Variants in CLSTN2 observed in about 807,000 individuals in gnomAD.
The protein encoded by CLSTN2 is calsyntenin 2.
CLSTN2 carries 48 observed loss-of-function variants against 101.2 expected under a neutral mutation model. The ratio of observed to expected loss-of-function variants is 0.47; its 90% CI spans 0.38 to 0.60. The LOEUF (loss-of-function observed/expected upper bound fraction) is 0.60, where lower values mean the gene tolerates loss of function less well. CLSTN2 is among the 20% of genes least tolerant of loss of function. The pLI, the probability that CLSTN2 is intolerant of heterozygous loss-of-function variation, is 0.00. For missense variants in CLSTN2, 1,160 were observed against 1,238.2 expected (o/e 0.94, Z 0.95); for synonymous variants, 481 against 463.6 (o/e 1.04, Z -0.48).
At chr3:140,480,101 C>G (rs993169043) in intron 8 of CLSTN2, among the ~76,000 whole-genome samples, 5 of 151,594 alleles carry the variant, frequency 3.3e-5, no homozygotes, top group Non-Finnish European at 2.9e-5. Flanking sequence ...ATCCCTCCCC[C>G]AACCCCACAA....
chr3:140,428,361 T>A (rs567698969), intron 5 of CLSTN2, among the ~76,000 whole-genome samples: 2 of 152,346 alleles, frequency 1.3e-5, no homozygotes, highest in African/African-American at 4.8e-5. Flanking sequence ...TTGTATTCAT[T>A]ATTTGTTCTG....
intron 1 of CLSTN2, among the ~76,000 whole-genome samples, chr3:139,964,901 A>G (rs1935567068): frequency 6.6e-6 from 1 of 152,128 alleles, no homozygotes; most frequent in African/African-American, 2.4e-5. Flanking sequence ...CTTCTCTTCA[A>G]TTGGGGAATG....
chr3:140,126,597 G>C (rs1422247959), intron 1 of CLSTN2, among the ~76,000 whole-genome samples: 1 of 152,154 alleles, frequency 6.6e-6, no homozygotes, highest in African/African-American at 2.4e-5. Context: ...TATGGGTTTG[G>C]AGATCAGGGA....
At chr3:140,183,186 G>C (rs558706273) in intron 2 of CLSTN2, among the ~76,000 whole-genome samples, 1 of 152,182 alleles carries the variant, frequency 6.6e-6, no homozygotes. Flanking sequence ...ACTATTGATA[G>C]ATCCTGCTTT....
chr3:140,189,448 G>T (rs1047888457), intron 2 of CLSTN2, among the ~76,000 whole-genome samples: 2 of 152,080 alleles, frequency 1.3e-5, no homozygotes, highest in African/African-American at 4.8e-5. Context: ...TCATTTAGGT[G>T]TGTATGTATT....
At chr3:140,368,982 C>A (rs1483301188) in intron 2 of CLSTN2, among the ~76,000 whole-genome samples, 2 of 152,190 alleles carry the variant, frequency 1.3e-5, no homozygotes, top group Non-Finnish European at 2.9e-5. Flanking sequence ...CCTGCACTCT[C>A]CTGGTTAGCT....
intron 1 of CLSTN2, among the ~76,000 whole-genome samples, chr3:140,072,205 AC>A (rs1327814382): frequency 6.6e-6 from 1 of 151,776 alleles, no homozygotes; most frequent in East Asian, 1.9e-4. Flanking sequence ...CTTAAAAAAA[AC>A]AGAAAACAAC....
intron 8 of CLSTN2, among the ~76,000 whole-genome samples, chr3:140,498,300 G>A (rs1462331227): frequency 6.6e-6 from 1 of 152,190 alleles, no homozygotes; most frequent in Non-Finnish European, 1.5e-5. Flanking sequence ...TACCTGAGTG[G>A]CAGGGGCATG....
chr3:140,366,102 C>T (rs993905419), intron 2 of CLSTN2, among the ~76,000 whole-genome samples: 4 of 152,194 alleles, frequency 2.6e-5, no homozygotes, highest in African/African-American at 7.2e-5. Flanking sequence ...GACAGTCAGC[C>T]GTGTTCATCT....
At chr3:140,179,181 T>C (rs535118296) in intron 2 of CLSTN2, among the ~76,000 whole-genome samples, 47 of 152,298 alleles carry the variant, frequency 3.1e-4, no homozygotes, top group Non-Finnish European at 4.3e-4. Context: ...ACAAGTGAGA[T>C]ATACAAGTAT....
At chr3:140,477,519 C>A (rs1934014024) in intron 8 of CLSTN2, among the ~76,000 whole-genome samples, 1 of 152,172 alleles carries the variant, frequency 6.6e-6, no homozygotes, top group African/African-American at 2.4e-5. Context: ...TTTTGAGAGG[C>A]TATAGTGTTC....
intron 8 of CLSTN2, among the ~76,000 whole-genome samples, chr3:140,513,949 TATC>T (rs1055614078): frequency 4.6e-5 from 7 of 152,154 alleles, no homozygotes; most frequent in African/African-American, 7.2e-5. Flanking sequence ...ATATTCCACT[TATC>T]ATTTCTGATT....
At chr3:140,434,654 G>A (rs778855118) in intron 5 of CLSTN2, among the ~76,000 whole-genome samples, 1 of 152,226 alleles carries the variant, frequency 6.6e-6, no homozygotes, top group Non-Finnish European at 1.5e-5. Context: ...GAAGGGGCCA[G>A]TGATGGGAAG....
At chr3:139,937,447 A>G (rs1288576006) in intron 1 of CLSTN2, among the ~76,000 whole-genome samples, 2 of 152,030 alleles carry the variant, frequency 1.3e-5, no homozygotes, top group Non-Finnish European at 2.9e-5. Flanking sequence ...AAAACTAGGC[A>G]TTTGTCAGGT....
At chr3:140,117,954 T>C (rs778796851) in intron 1 of CLSTN2, among the ~76,000 whole-genome samples, 8 of 152,228 alleles carry the variant, frequency 5.3e-5, no homozygotes, top group African/African-American at 1.7e-4. Flanking sequence ...GGCTGAATTT[T>C]GTCTTCCCCA....
At chr3:139,992,627 C>A (rs991009129) in intron 1 of CLSTN2, among the ~76,000 whole-genome samples, 1 of 152,212 alleles carries the variant, frequency 6.6e-6, no homozygotes, top group Non-Finnish European at 1.5e-5. Context: ...AATCAAAGCT[C>A]CTGTGCCCCT....
Position 140,568,404 on chromosome 3 carries a change from C to T in CLSTN2, c.*2151C>T, listed in dbSNP as rs1233478396. The T allele has an allele frequency of 2.0e-5, 3 of 152,140 alleles. No individual in the cohort carries two copies. 9.4% of individuals were successfully genotyped at this position (152,140 alleles called of 1,614,324 possible). A position where few individuals can be genotyped will look rare whatever the true frequency, so the allele number is the denominator to read the frequency against. The stretch of plus-strand genomic sequence containing the variant: ...TTATTTTTCCCTTCTCAGGGAAAAA[C>T]ACCAGAAGAAGCTGGGGTTTTATAT... On this transcript the variant is annotated 3_prime_UTR_variant, in exon 17 of 17. Transcript: ENST00000458420.
At chr3:140,401,780 G>T (rs560191271) in intron 2 of CLSTN2, among the ~76,000 whole-genome samples, 44 of 152,326 alleles carry the variant, frequency 2.9e-4, no homozygotes, top group South Asian at 1.9e-3. Flanking sequence ...TCAAAAAGCA[G>T]CTACTTTAGA....
At chr3:140,344,547 G>A (rs920552262) in intron 2 of CLSTN2, among the ~76,000 whole-genome samples, 1 of 152,206 alleles carries the variant, frequency 6.6e-6, no homozygotes, top group African/African-American at 2.4e-5. Context: ...TAGAGTTTTT[G>A]TGTGCCATCC....
Sources: allele counts gnomAD v4.1 joint callset (sites outside exome capture counted in the v4.1 genomes callset), GRCh38; gene constraint gnomAD v4.1.1; transcripts MANE v1.5; gene names NCBI Gene and HGNC (gene_info 2026-07-23, HGNC 2026-07-21).